Variants in CD80 observed in about 807,000 individuals in gnomAD.
CD80 encodes CD80 molecule.
A neutral mutation model predicts 27.1 loss-of-function variants in CD80; 13 were observed. The ratio of observed to expected loss-of-function variants is 0.48; its 90% CI spans 0.31 to 0.76. The LOEUF (loss-of-function observed/expected upper bound fraction) is 0.76, where lower values mean the gene tolerates loss of function less well. CD80 is among the 30% of genes least tolerant of loss of function. The pLI, the probability that CD80 is intolerant of heterozygous loss-of-function variation, is 0.04. For missense variants in CD80, 277 were observed against 347.9 expected (o/e 0.80, Z 1.62); for synonymous variants, 125 against 125.5 (o/e 1.00, Z 0.03).
chr3:119,529,095 G>A (rs1417193555), intron 5 of CD80, among the ~76,000 whole-genome samples: 5 of 150,782 alleles, frequency 3.3e-5, no homozygotes, highest in South Asian at 2.2e-4. Context: ...GACTACAGGT[G>A]CACGCCACCA....
At chr3:119,543,990 G>A (rs1167343880) in intron 3 of CD80, among the ~76,000 whole-genome samples, 1 of 150,220 alleles carries the variant, frequency 6.7e-6, no homozygotes, top group Non-Finnish European at 1.5e-5. Flanking sequence ...CCAGGTTCAA[G>A]CGATTCTCTG....
chr3:119,553,574 G>T (rs958749829), intron 2 of CD80, among the ~76,000 whole-genome samples: 1 of 152,190 alleles, frequency 6.6e-6, no homozygotes, highest in Non-Finnish European at 1.5e-5. Flanking sequence ...GGATGCAGTG[G>T]CCAGTCTGCA....
chr3:119,559,257 A>G (rs941735568), intron 1 of CD80, among the ~76,000 whole-genome samples, 183 bp downstream of exon 1: 2 of 152,166 alleles, frequency 1.3e-5, no homozygotes, highest in Non-Finnish European at 2.9e-5. Context: ...TCTCACTATG[A>G]TGCTCCAAAT....
At chr3:119,554,573 C>T (rs764908706) in intron 2 of CD80, among the ~76,000 whole-genome samples, 3 of 152,184 alleles carry the variant, frequency 2.0e-5, no homozygotes, top group African/African-American at 4.8e-5. Context: ...TGGTTCCACC[C>T]TGTGCATGAA....
chr3:119,529,682 C>T (rs1322569032), intron 5 of CD80, among the ~76,000 whole-genome samples, 160 bp downstream of exon 5: 1 of 152,132 alleles, frequency 6.6e-6, no homozygotes, highest in Non-Finnish European at 1.5e-5. Flanking sequence ...AGTGAATGAA[C>T]AGAACTTGTT....
chr3:119,545,666 A>G (rs1560057032), intron 2 of CD80, among the ~76,000 whole-genome samples: 1 of 152,158 alleles, frequency 6.6e-6, no homozygotes, highest in South Asian at 2.1e-4. Flanking sequence ...ACGTTGTAGC[A>G]TATGATAGGA....
At chr3:119,533,410 C>CTT (rs11393086) in intron 4 of CD80, among the ~76,000 whole-genome samples, 16,792 of 146,418 alleles carry the variant, frequency 0.11, 1,054 homozygotes, top group African/African-American at 0.17. Context: ...TACATTTGGG[C>CTT]TTTTTTTTTT....
chr3:119,544,395 A>G, intron 3 of CD80, 155 bp downstream of exon 3: 1 of 627,812 alleles, frequency 1.6e-6, no homozygotes, highest in South Asian at 2.0e-5. Context: ...TTTAGAAACC[A>G]GTTAGAGTTT....
At chr3:119,544,402 G>C (rs998510596) in intron 3 of CD80, 148 bp downstream of exon 3, 1 of 642,592 alleles carries the variant, frequency 1.6e-6, no homozygotes, top group East Asian at 2.7e-5. Flanking sequence ...ACCAGTTAGA[G>C]TTTATTGTAC....
chr3:119,558,861 C>A (rs1329601582), intron 1 of CD80, among the ~76,000 whole-genome samples: 1 of 151,000 alleles, frequency 6.6e-6, no homozygotes, highest in Non-Finnish European at 1.5e-5. Flanking sequence ...TGAAAATAAA[C>A]ACTGTGCTCC....
chr3:119,525,876 AATTT>A (rs1373086430), intron 6 of CD80, 127 bp from the exon 7 acceptor site: 1 of 138,832 alleles, frequency 7.2e-6, no homozygotes, highest in Non-Finnish European at 1.5e-5. Flanking sequence ...ATGTATATAT[AATTT>A]AATTATATAT....
At chr3:119,528,994 T>C (rs574346334) in intron 5 of CD80, among the ~76,000 whole-genome samples, 3 of 150,030 alleles carry the variant, frequency 2.0e-5, no homozygotes, top group Admixed American at 2.0e-4. Context: ...CAGGCTGGAG[T>C]GCAATGGCAT....
chr3:119,529,878 C>G lies in CD80; in HGVS notation c.760G>C (p.Val254Leu), dbSNP rs779291568. Residue 254 changes from valine to leucine, a missense_variant, in exon 5 of 7, where the codon GTA (valine) becomes CTA (leucine). Coordinates refer to ENST00000264246, the MANE Select transcript of CD80 (RefSeq NM_005191.4). Reference sequence around the variant, plus strand: ...CAGCATATCACAAAAATTCCATTTACTGAGATTAAGGTAATGGCCCAGGAT... The same window carrying G: ...CAGCATATCACAAAAATTCCATTTAGTGAGATTAAGGTAATGGCCCAGGAT... ...LPSWAITLIS[V>L]NGIFVICCLT... 3 of 1,613,758 alleles carry G rather than the reference C, an allele frequency of 1.9e-6. No homozygotes were observed. The highest frequency in any genetic ancestry group is 2.5e-6 in the Non-Finnish European group (3 of 1,179,678).
intron 2 of CD80, among the ~76,000 whole-genome samples, chr3:119,552,035 A>AG (rs2082235334): frequency 6.6e-6 from 1 of 152,250 alleles, no homozygotes; most frequent in Admixed American, 6.5e-5. Context: ...GCCCACCTGT[A>AG]GGGCACAATA....
At chr3:119,537,519 A>G (rs2082145882) in intron 3 of CD80, 101 bp from the exon 4 acceptor site, 2 of 858,266 alleles carry the variant, frequency 2.3e-6, no homozygotes. Flanking sequence ...GAATTGATAA[A>G]GGCCAGGTGC....
At position 119,542,355 on chromosome 3, in the gene CD80, A is replaced by C. The variant is rs532334797; in HGVS notation, c.418+2195T>G. 1.9e-4 allele frequency among the ~76,000 whole-genome samples: 29 copies of C among 152,260 alleles called. No homozygotes were observed. The South Asian group carries it at 4.1e-3, about 22-fold the overall frequency. ...ATGTCACAAGTAAAGATTCATAGCT[A>C]ATGATTAAAACAAAGAACAGTAAGG... is the stretch of plus-strand genomic sequence containing the variant. On this transcript the variant is annotated intron_variant, in intron 3 of 6. Coordinates refer to ENST00000264246, the MANE Select transcript of CD80 (RefSeq NM_005191.4).
chr3:119,553,475 T>C (rs1333875033), intron 2 of CD80, among the ~76,000 whole-genome samples: 21 of 152,132 alleles, frequency 1.4e-4, no homozygotes, highest in Admixed American at 1.3e-3. Context: ...TTTTATGTCA[T>C]TGCAAATAAA....
intron 2 of CD80, among the ~76,000 whole-genome samples, chr3:119,545,467 C>T (rs1169040597): frequency 6.6e-6 from 1 of 152,114 alleles, no homozygotes; most frequent in African/African-American, 2.4e-5. Context: ...TTTCATTTTG[C>T]AAATCTGAAA....
intron 3 of CD80, among the ~76,000 whole-genome samples, chr3:119,540,453 T>G (rs986247332): frequency 6.6e-6 from 1 of 152,174 alleles, no homozygotes; most frequent in Non-Finnish European, 1.5e-5. Flanking sequence ...ACCTTTTTTT[T>G]TTGTTTGTTT....
Sources: allele counts gnomAD v4.1 joint callset (sites outside exome capture counted in the v4.1 genomes callset), GRCh38; gene constraint gnomAD v4.1.1; transcripts MANE v1.5; gene names NCBI Gene and HGNC (gene_info 2026-07-23, HGNC 2026-07-21).